Variants in DCC observed in about 807,000 individuals in gnomAD.
The protein encoded by DCC is DCC netrin 1 receptor, also known as netrin receptor DCC.
A neutral mutation model predicts 172.5 loss-of-function variants in DCC; 58 were observed. The ratio of observed to expected loss-of-function variants is 0.34; its 90% CI spans 0.27 to 0.42. The LOEUF is 0.42. DCC is among the 10% of genes least tolerant of loss of function. The pLI is 1.00. For synonymous variants in DCC, 709 were observed against 644.5 expected (o/e 1.10, Z -1.52); for missense variants, 1,740 against 1,791.0 (o/e 0.97, Z 0.51).
chr18:52,747,102 T>G (rs2036917321), intron 1 of DCC, among the ~76,000 whole-genome samples: 1 of 147,794 alleles, frequency 6.8e-6, no homozygotes, highest in African/African-American at 2.5e-5. Flanking sequence ...TCAACCAAAA[T>G]TTAGAAATCT....
Position 53,066,353 on chromosome 18 carries a change from GTATATATATATATATATATATA to G in DCC, c.1261+211_1261+232del, listed in dbSNP as rs10526030. On this transcript the variant is annotated intron_variant, in intron 7 of 28. Coordinates refer to ENST00000442544, the MANE Select transcript of DCC (RefSeq NM_005215.4). ...TAGAAAATTGTGTGTGTACATGTGTGTATATATATATATATATATATATATATATATATATATATATATATGT... is the reference window on the plus strand; with the variant it reads ...TAGAAAATTGTGTGTGTACATGTGTGTATATATATATATATATATATATGT... Among the ~76,000 whole-genome samples the G allele has an allele frequency of 9.0e-4, 85 of 94,620 alleles. 1 individual carries two copies. The highest frequency in any genetic ancestry group is 1.9e-3 in the African/African-American group (51 of 27,228). The allele number at this position is 94,620 out of a possible 152,430, so 62.1% of individuals were successfully genotyped here.
chr18:53,031,077 G>A (rs1251601018), intron 5 of DCC, among the ~76,000 whole-genome samples: 1 of 152,104 alleles, frequency 6.6e-6, no homozygotes, highest in Non-Finnish European at 1.5e-5. Flanking sequence ...TGGCCGACAT[G>A]GTGAAACCCT....
intron 1 of DCC, among the ~76,000 whole-genome samples, chr18:52,366,305 G>A (rs1984848947): frequency 6.6e-6 from 1 of 152,130 alleles, no homozygotes; most frequent in Non-Finnish European, 1.5e-5. Flanking sequence ...ACAGTGAGCA[G>A]TAGCAAGATT....
chr18:53,322,027 T>C lies in DCC; in HGVS notation c.2054-20T>C, dbSNP rs746709522. The C allele has an allele frequency of 2.9e-6, 4 of 1,378,616 alleles. No individual in the cohort carries two copies. Among genetic ancestry groups the C allele is most frequent in the Non-Finnish European group, 4.1e-6 (4 of 964,918 alleles). The allele number at this position is 1,378,616 out of a possible 1,614,324, so 85.4% of individuals were successfully genotyped here. A position where few individuals can be genotyped will look rare whatever the true frequency, so the allele number is the denominator to read the frequency against. On this transcript the variant is annotated intron_variant, in intron 13 of 28. Transcript: ENST00000442544. ...GGTGCATAGTAACTTTCTTCCCCCC[T>C]GTGGAAAATTCTTTCATAGGACTGG...
At chr18:52,799,509 A>T (rs1012951166) in intron 2 of DCC, among the ~76,000 whole-genome samples, 1 of 152,222 alleles carries the variant, frequency 6.6e-6, no homozygotes, top group Non-Finnish European at 1.5e-5. Flanking sequence ...ATCAAAATTG[A>T]AAACCAGGTC....
At chr18:52,880,707 G>T (rs1265242507) in intron 2 of DCC, among the ~76,000 whole-genome samples, 1 of 151,978 alleles carries the variant, frequency 6.6e-6, no homozygotes, top group Non-Finnish European at 1.5e-5. Context: ...CTTTTTTATG[G>T]CTGAATAGTA....
intron 1 of DCC, among the ~76,000 whole-genome samples, chr18:52,526,688 C>T (rs4940188): frequency 0.58 from 88,527 of 151,804 alleles, 26,156 homozygotes; most frequent in South Asian, 0.69. Flanking sequence ...ATTATAGGCC[C>T]GTATTATTAT....
At chr18:52,363,806 G>T (rs1289091101) in intron 1 of DCC, among the ~76,000 whole-genome samples, 1 of 152,166 alleles carries the variant, frequency 6.6e-6, no homozygotes, top group Non-Finnish European at 1.5e-5. Flanking sequence ...CCTCCATTCT[G>T]ATTGGTGAGT....
At chr18:53,238,688 C>G (rs1014743872) in intron 12 of DCC, among the ~76,000 whole-genome samples, 1 of 151,984 alleles carries the variant, frequency 6.6e-6, no homozygotes, top group Non-Finnish European at 1.5e-5. Flanking sequence ...ATCATTGCAA[C>G]TAAGGAACTC....
intron 8 of DCC, 74 bp from the exon 9 acceptor site, chr18:53,178,888 T>G: frequency 6.5e-7 from 1 of 1,549,640 alleles, no homozygotes; most frequent in East Asian, 2.3e-5. Context: ...TCACTACTCT[T>G]GCACATCAAA....
At chr18:52,369,883 T>A (rs1029056691) in intron 1 of DCC, among the ~76,000 whole-genome samples, 126 of 152,270 alleles carry the variant, frequency 8.3e-4, no homozygotes, top group African/African-American at 2.9e-3. Flanking sequence ...TGAATATGAT[T>A]GGGAAAATGA....
chr18:53,459,124 C>A (rs937325505), intron 23 of DCC, 108 bp from the exon 24 acceptor site: 2 of 905,752 alleles, frequency 2.2e-6, no homozygotes, highest in East Asian at 2.6e-5. Context: ...GCTCATTCTG[C>A]GAGTCCTTTT....
At chr18:52,432,938 T>G (rs1289401705) in intron 1 of DCC, among the ~76,000 whole-genome samples, 1 of 152,190 alleles carries the variant, frequency 6.6e-6, no homozygotes, top group East Asian at 1.9e-4. Flanking sequence ...TCAGTTTCCC[T>G]CTGCACTCTA....
chr18:53,480,599 T>C (rs1014363183), intron 25 of DCC, among the ~76,000 whole-genome samples: 1 of 152,190 alleles, frequency 6.6e-6, no homozygotes, highest in African/African-American at 2.4e-5. Flanking sequence ...CAGTTTTGGA[T>C]GGATCTGTTG....
At chr18:53,013,273 A>G (rs1243434317) in intron 5 of DCC, among the ~76,000 whole-genome samples, 3 of 152,276 alleles carry the variant, frequency 2.0e-5, no homozygotes, top group Admixed American at 6.5e-5. Flanking sequence ...CACTATTTAC[A>G]ATAGTAAAGA....
chr18:52,817,350 G>A (rs1018329477), intron 2 of DCC, among the ~76,000 whole-genome samples: 9 of 151,768 alleles, frequency 5.9e-5, no homozygotes, highest in East Asian at 1.9e-4. Context: ...CAATAGCATC[G>A]AAATTTTATA....
intron 7 of DCC, among the ~76,000 whole-genome samples, chr18:53,074,933 G>T (rs1181035068): frequency 6.6e-6 from 1 of 152,142 alleles, no homozygotes; most frequent in Non-Finnish European, 1.5e-5. Flanking sequence ...TTGTCTCAAA[G>T]ATTTAGTGCA....
In DCC at chr18:53,347,987, C is replaced by T. The variant is rs955177199; in HGVS notation, c.2359+8080C>T. 1.3e-4 allele frequency among the ~76,000 whole-genome samples: 20 copies of T among 152,024 alleles called. No individual in the cohort carries two copies. In the East Asian group the frequency reaches 2.1e-3, roughly 16 times the overall value. On this transcript the variant is annotated intron_variant, in intron 15 of 28. Coordinates refer to ENST00000442544, the MANE Select transcript of DCC (RefSeq NM_005215.4). ...AGATGAGATTTGGGTGGGGACACAG[C>T]GAAACCATATCATTCTGCCCCTGGC...
intron 1 of DCC, among the ~76,000 whole-genome samples, chr18:52,520,538 A>G (rs1490321541): frequency 6.6e-6 from 1 of 152,164 alleles, no homozygotes; most frequent in Non-Finnish European, 1.5e-5. Flanking sequence ...TAATGGTCCT[A>G]AAGAAGAAAT....
Sources: allele counts gnomAD v4.1 joint callset (sites outside exome capture counted in the v4.1 genomes callset), GRCh38; gene constraint gnomAD v4.1.1; transcripts MANE v1.5; gene names NCBI Gene and HGNC (gene_info 2026-07-23, HGNC 2026-07-21).